CDH13: variants seen among roughly 807,000 people sequenced by gnomAD.
CDH13 encodes the protein cadherin 13.
A neutral mutation model predicts 63.8 loss-of-function variants in CDH13; 24 were observed. The ratio of observed to expected loss-of-function variants is 0.38; its 90% confidence interval spans 0.27 to 0.53. The LOEUF (loss-of-function observed/expected upper bound fraction) is 0.53. Ranked by LOEUF, CDH13 falls within the 20% of genes least tolerant of loss-of-function variation. CDH13 has a pLI of 0.85. For synonymous variants in CDH13, 503 were observed against 355.3 expected, an observed-to-expected ratio of 1.42 and a Z score of -4.67; for missense variants, 1,049 against 903.1, an observed-to-expected ratio of 1.16 and a Z score of -2.07.
At chr16:83,202,705 G>C (rs956098090) in intron 4 of CDH13, among the ~76,000 whole-genome samples, 1 of 152,192 alleles carries the variant, frequency 6.6e-6, no homozygotes, top group African/African-American at 2.4e-5. Context: ...TGAATTTCCA[G>C]CCAGAAAGTC....
At chr16:83,273,765 G>A (rs1196109430) in intron 5 of CDH13, among the ~76,000 whole-genome samples, 4 of 152,146 alleles carry the variant, frequency 2.6e-5, no homozygotes, top group Non-Finnish European at 5.9e-5. Flanking sequence ...ATACTACATA[G>A]GTATCGTGTT....
At chr16:83,308,982 G>A (rs1233225929) in intron 5 of CDH13, among the ~76,000 whole-genome samples, 1 of 152,158 alleles carries the variant, frequency 6.6e-6, no homozygotes, top group Non-Finnish European at 1.5e-5. Context: ...TGGGTTGGTT[G>A]CCGAGGGAAA....
intron 8 of CDH13, among the ~76,000 whole-genome samples, chr16:83,654,004 C>T (rs1679717553): frequency 6.6e-6 from 1 of 152,042 alleles, no homozygotes; most frequent in South Asian, 2.1e-4. Flanking sequence ...GGGGAATTAA[C>T]ATACTGACAG....
chr16:83,251,882 G>A (rs542813700), intron 5 of CDH13, among the ~76,000 whole-genome samples: 2 of 151,742 alleles, frequency 1.3e-5, no homozygotes, highest in African/African-American at 4.8e-5. Context: ...CACACAAAGA[G>A]GCCTTCCCCT....
chr16:83,191,524 C>CATATATAT (rs2038710265), intron 4 of CDH13, among the ~76,000 whole-genome samples: 1 of 100,530 alleles, frequency 9.9e-6, no homozygotes, highest in Non-Finnish European at 2.1e-5. Context: ...CACACACACA[C>CATATATAT]ACACACATAT....
intron 7 of CDH13, among the ~76,000 whole-genome samples, chr16:83,561,810 C>G (rs146035923): frequency 9.9e-5 from 15 of 152,214 alleles, no homozygotes; most frequent in Middle Eastern, 3.4e-3. Flanking sequence ...AACATTGTTC[C>G]ACAGCTGAGT....
intron 3 of CDH13, among the ~76,000 whole-genome samples, chr16:83,091,311 T>G (rs2033896659): frequency 6.6e-6 from 1 of 152,166 alleles, no homozygotes; most frequent in African/African-American, 2.4e-5. Context: ...CCATCTACTT[T>G]ATGTTGAATT....
intron 3 of CDH13, among the ~76,000 whole-genome samples, chr16:83,103,430 G>C (rs748674595): frequency 3.3e-5 from 5 of 151,152 alleles, no homozygotes; most frequent in African/African-American, 7.3e-5. Context: ...ATTTTTAGTA[G>C]AGATGGGGTT....
intron 5 of CDH13, among the ~76,000 whole-genome samples, chr16:83,324,715 T>G (rs2090320867): frequency 6.6e-6 from 1 of 152,214 alleles, no homozygotes; most frequent in Non-Finnish European, 1.5e-5. Flanking sequence ...AATGCGTAAG[T>G]GTTTTGTGTG....
At chr16:82,736,372 A>C (rs2033674027) in intron 1 of CDH13, among the ~76,000 whole-genome samples, 1 of 152,202 alleles carries the variant, frequency 6.6e-6, no homozygotes, top group South Asian at 2.1e-4. Flanking sequence ...AAAGGTTGAC[A>C]CGGTGCCACT....
At chr16:82,756,742 T>A (rs2034625913) in intron 1 of CDH13, among the ~76,000 whole-genome samples, 2 of 152,174 alleles carry the variant, frequency 1.3e-5, no homozygotes, top group South Asian at 4.1e-4. Flanking sequence ...AAGCTGAATA[T>A]AAGCAGTACC....
rs186086846 is a variant in CDH13, at chr16:83,010,007, C to T, written c.158-22003C>T. ...AAAATTAGCTGGGCATGGCGGCACA[C>T]GCCTGTAATCCCAGCTACTCAGGAG... On this transcript the variant is annotated intron_variant, in intron 2 of 13. Coordinates refer to ENST00000567109, the MANE Select transcript of CDH13 (RefSeq NM_001257.5). 6.4e-4 allele frequency among the ~76,000 whole-genome samples: 97 copies of T among 152,018 alleles called. 1 individual carries two copies. The East Asian group carries it at 0.014, about 22-fold the overall frequency.
At chr16:82,917,232 G>A (rs918533210) in intron 2 of CDH13, among the ~76,000 whole-genome samples, 2 of 152,184 alleles carry the variant, frequency 1.3e-5, no homozygotes, top group Non-Finnish European at 2.9e-5. Flanking sequence ...CTGTGGAGCC[G>A]ATGGGGCAGT....
chr16:83,301,552 A>G (rs2089745510), intron 5 of CDH13, among the ~76,000 whole-genome samples: 1 of 152,038 alleles, frequency 6.6e-6, no homozygotes, highest in South Asian at 2.1e-4. Context: ...GGAGCAGTGA[A>G]ACTGGTGGAG....
chr16:83,160,674 A>G (rs1002228735), intron 4 of CDH13, among the ~76,000 whole-genome samples: 1 of 152,170 alleles, frequency 6.6e-6, no homozygotes, highest in South Asian at 2.1e-4. Context: ...TCTGATCTGG[A>G]GGGAAAGAAA....
intron 7 of CDH13, among the ~76,000 whole-genome samples, chr16:83,514,794 T>C (rs926484106): frequency 6.6e-6 from 1 of 152,182 alleles, no homozygotes; most frequent in Non-Finnish European, 1.5e-5. Context: ...GAAGCTAGGA[T>C]AGAGGCCGGG....
intron 5 of CDH13, among the ~76,000 whole-genome samples, chr16:83,221,664 G>C (rs1243722837): frequency 6.6e-6 from 1 of 151,120 alleles, no homozygotes; most frequent in East Asian, 2.0e-4. Context: ...AGACGGTGGG[G>C]GGGCGGTTGG....
intron 4 of CDH13, among the ~76,000 whole-genome samples, chr16:83,142,160 G>GTTTTTTTTTTTT (rs11445521): frequency 5.8e-5 from 7 of 120,382 alleles, no homozygotes; most frequent in Admixed American, 9.2e-5. Flanking sequence ...GTTTGTTTTT[G>GTTTTTTTTTTTT]TTTTTTTTTT....
intron 1 of CDH13, among the ~76,000 whole-genome samples, chr16:82,776,788 G>C (rs757456727): frequency 6.6e-6 from 1 of 152,182 alleles, no homozygotes; most frequent in African/African-American, 2.4e-5. Context: ...TCTCCCACCA[G>C]AAAGAGATGG....
Sources: allele counts gnomAD v4.1 joint callset (sites outside exome capture counted in the v4.1 genomes callset), GRCh38; gene constraint gnomAD v4.1.1; transcripts MANE v1.5; gene names NCBI Gene and HGNC (gene_info 2026-07-23, HGNC 2026-07-21).